The following ILRUN variants were observed in gnomAD, a reference collection of about 807,000 sequenced individuals.
ILRUN encodes protein ILRUN.
In ILRUN, 3 loss-of-function variants were observed where a neutral mutation model predicts 33.8. The ratio of observed to expected loss-of-function variants is 0.09; its 90% confidence interval spans 0.04 to 0.23. ILRUN has a LOEUF of 0.23. Ranked by LOEUF, ILRUN falls within the 10% of genes least tolerant of loss-of-function variation. The probability of loss-of-function intolerance (pLI) is 1.00; values close to 1 mark genes in which losing one functional copy is unlikely to be tolerated. For synonymous variants in ILRUN, 124 were observed against 138.9 expected (o/e 0.89, Z 0.75); for missense variants, 210 against 375.1 (o/e 0.56, Z 3.64).
intron 2 of ILRUN, among the ~76,000 whole-genome samples, chr6:34,654,165 C>CA (rs201289435): frequency 0.2 from 24,506 of 121,746 alleles, 2,749 homozygotes; most frequent in African/African-American, 0.36. Context: ...CTTGTGGTTG[C>CA]AAAAAAAAAA....
intron 3 of ILRUN, among the ~76,000 whole-genome samples, chr6:34,620,780 G>A (rs968795888): frequency 1.3e-5 from 2 of 152,222 alleles, no homozygotes; most frequent in African/African-American, 2.4e-5. Context: ...AGTAAGCTAC[G>A]ATTGTGCCGC....
intron 3 of ILRUN, 117 bp from the exon 4 acceptor site, chr6:34,607,021 C>T (rs934655943): frequency 5.2e-6 from 4 of 774,956 alleles, no homozygotes; most frequent in African/African-American, 1.7e-5. Context: ...CTTCTATATG[C>T]TAGTTTTAAA....
chr6:34,598,605 C>T (rs757359547), intron 4 of ILRUN, among the ~76,000 whole-genome samples: 6 of 152,170 alleles, frequency 3.9e-5, no homozygotes, highest in Admixed American at 6.5e-5. Context: ...CACAAGAGTG[C>T]ACAGCATCAG....
At chr6:34,601,530 G>C (rs867175863) in intron 4 of ILRUN, among the ~76,000 whole-genome samples, 11 of 152,284 alleles carry the variant, frequency 7.2e-5, no homozygotes, top group African/African-American at 2.6e-4. Context: ...CTGCCTTCTG[G>C]TCAAACTGCC....
At chr6:34,678,921 G>C (rs941960515) in intron 1 of ILRUN, among the ~76,000 whole-genome samples, 3 of 150,290 alleles carry the variant, frequency 2.0e-5, no homozygotes, top group Admixed American at 2.0e-4. Context: ...AGACAAAAGT[G>C]CAAGTTCAGT....
intron 3 of ILRUN, among the ~76,000 whole-genome samples, chr6:34,619,813 C>T (rs1415638376): frequency 3.3e-5 from 5 of 151,956 alleles, no homozygotes; most frequent in South Asian, 2.1e-4. Flanking sequence ...GGTGAAACCC[C>T]GTCTCTACTA....
At chr6:34,627,539 C>T (rs767010182) in intron 3 of ILRUN, among the ~76,000 whole-genome samples, 3 of 152,090 alleles carry the variant, frequency 2.0e-5, no homozygotes, top group East Asian at 1.9e-4. Context: ...GTATTGTTGG[C>T]GTTTGGGATT....
At chr6:34,637,864 C>CTGT (rs57559266) in intron 3 of ILRUN, among the ~76,000 whole-genome samples, 37,831 of 141,734 alleles carry the variant, frequency 0.27, 5,320 homozygotes, top group Admixed American at 0.35. Context: ...GCTGCTGCTG[C>CTGT]TGTTGTTGTT....
intron 3 of ILRUN, among the ~76,000 whole-genome samples, chr6:34,615,991 C>T (rs1272531997): frequency 1.3e-5 from 2 of 152,184 alleles, no homozygotes; most frequent in African/African-American, 4.8e-5. Flanking sequence ...TTAAGCCAAA[C>T]AATAAACTGC....
At chr6:34,628,683 A>G (rs1476404657) in intron 3 of ILRUN, among the ~76,000 whole-genome samples, 3 of 152,196 alleles carry the variant, frequency 2.0e-5, no homozygotes, top group South Asian at 2.1e-4. Context: ...TGTTGAGGAT[A>G]TGTGCATCTA....
intron 3 of ILRUN, among the ~76,000 whole-genome samples, chr6:34,631,246 A>G (rs2127348593): frequency 6.6e-6 from 1 of 152,252 alleles, no homozygotes; most frequent in Admixed American, 6.5e-5. Flanking sequence ...TGTAATGGTA[A>G]GGTGTGATTA....
At chr6:34,647,080 C>T (rs1023398998) in intron 2 of ILRUN, among the ~76,000 whole-genome samples, 2 of 152,094 alleles carry the variant, frequency 1.3e-5, no homozygotes, top group African/African-American at 2.4e-5. Context: ...GAAGGCCACA[C>T]GTCACACTGA....
intron 2 of ILRUN, among the ~76,000 whole-genome samples, chr6:34,649,453 G>A (rs1037941712): frequency 6.6e-5 from 10 of 152,150 alleles, no homozygotes; most frequent in Non-Finnish European, 1.0e-4. Context: ...TGTGTTTTAT[G>A]ACGTTCCTAG....
intron 1 of ILRUN, among the ~76,000 whole-genome samples, chr6:34,666,245 G>A (rs1005864168): frequency 6.6e-6 from 1 of 152,082 alleles, no homozygotes; most frequent in Non-Finnish European, 1.5e-5. Flanking sequence ...GCTGCTTTCT[G>A]GTATATAGGT....
intron 4 of ILRUN, among the ~76,000 whole-genome samples, chr6:34,598,397 T>G (rs1285864650): frequency 1.3e-5 from 2 of 152,226 alleles, no homozygotes; most frequent in African/African-American, 4.8e-5. Context: ...ATTTGAAACC[T>G]GAGCATCTAT....
At chr6:34,682,039 T>TTTTTTTTTTTTTTTTTTTTA (rs1371036341) in intron 1 of ILRUN, among the ~76,000 whole-genome samples, 1 of 104,892 alleles carries the variant, frequency 9.5e-6, no homozygotes, top group Non-Finnish European at 2.0e-5. Context: ...TTTATTTTTT[T>TTTTTTTTTTTTTTTTTTTTA]ACTTTTTTTT....
intron 1 of ILRUN, 77 bp downstream of exon 1, chr6:34,696,369 C>T (rs1042452719): frequency 6.9e-7 from 1 of 1,441,312 alleles, no homozygotes; most frequent in Admixed American, 2.4e-5. Flanking sequence ...GCCCTGCCGC[C>T]AAGCTCAAGT....
chr6:34,675,778 CTG>C (rs1763216242), intron 1 of ILRUN, among the ~76,000 whole-genome samples: 1 of 152,022 alleles, frequency 6.6e-6, no homozygotes, highest in Admixed American at 6.6e-5. Flanking sequence ...GAATGACAAT[CTG>C]AGAGAGGTAG....
At chr6:34,681,446 C>G (rs1763355685) in intron 1 of ILRUN, among the ~76,000 whole-genome samples, 1 of 152,086 alleles carries the variant, frequency 6.6e-6, no homozygotes, top group Non-Finnish European at 1.5e-5. Context: ...TTCATCTTCT[C>G]TGCACAAGGT....
Sources: gnomAD v4.1 joint callset for allele counts (sites outside exome capture counted in the v4.1 genomes callset) on GRCh38, gnomAD v4.1.1 for gene constraint, MANE v1.5 for transcripts, NCBI Gene and HGNC (gene_info 2026-07-23, HGNC 2026-07-21) for gene names.